QTMAN: variants seen among roughly 807,000 people sequenced by gnomAD.
The protein encoded by QTMAN is queuosine-tRNA mannosyltransferase, also known as tRNA-queuosine alpha-mannosyltransferase.
the QTMAN span, among the ~76,000 whole-genome samples, chr2:144,149,714 G>A: frequency 6.6e-6 from 1 of 151,956 alleles, no homozygotes; most frequent in Non-Finnish European, 1.5e-5. Flanking sequence ...CGTTTCGATT[G>A]TTTCCAATAC....
chr2:144,143,022 T>G, the QTMAN span, among the ~76,000 whole-genome samples: 2 of 152,004 alleles, frequency 1.3e-5, no homozygotes, highest in Non-Finnish European at 2.9e-5. Flanking sequence ...CAAATCTCAG[T>G]CAGCCACATG....
the QTMAN span, among the ~76,000 whole-genome samples, chr2:144,151,903 G>A: frequency 6.6e-6 from 1 of 152,152 alleles, no homozygotes; most frequent in Non-Finnish European, 1.5e-5. Context: ...ATGTTTAAAT[G>A]CTATGGATAT....
chr2:144,251,094 A>C, the QTMAN span, among the ~76,000 whole-genome samples: 1 of 152,234 alleles, frequency 6.6e-6, no homozygotes, highest in South Asian at 2.1e-4. Context: ...AGTTCTTTTA[A>C]AGTGGAAATA....
chr2:143,991,975 C>A, the QTMAN span, among the ~76,000 whole-genome samples: 1,225 of 152,212 alleles, frequency 8.0e-3, 12 homozygotes, highest in African/African-American at 0.028. Flanking sequence ...TCTGCCCGGC[C>A]GCCCCTACTG....
the QTMAN span, among the ~76,000 whole-genome samples, chr2:144,229,312 G>C: frequency 6.6e-6 from 1 of 152,100 alleles, no homozygotes; most frequent in Non-Finnish European, 1.5e-5. Flanking sequence ...ACATATACTT[G>C]TTCTGCCTTT....
At chr2:144,101,394 T>TCTCTCTCACACACACACA in the QTMAN span, among the ~76,000 whole-genome samples, 271 of 150,234 alleles carry the variant, frequency 1.8e-3, 2 homozygotes, top group African/African-American at 6.2e-3. Flanking sequence ...TATCTCTCTC[T>TCTCTCTCACACACACACA]CACACACACA....
the QTMAN span, chr2:144,007,153 T>G: frequency 7.7e-7 from 1 of 1,298,104 alleles, no homozygotes; most frequent in African/African-American, 1.5e-5. Context: ...GTTCTACAAC[T>G]CTTACTAAAT....
At chr2:144,307,247 A>G in the QTMAN span, among the ~76,000 whole-genome samples, 19 of 149,396 alleles carry the variant, frequency 1.3e-4, no homozygotes, top group Non-Finnish European at 2.8e-4. Flanking sequence ...AAAAAATATG[A>G]AAACATTCAA....
chr2:144,038,444 A>G, the QTMAN span, among the ~76,000 whole-genome samples: 1 of 152,200 alleles, frequency 6.6e-6, no homozygotes, highest in South Asian at 2.1e-4. Flanking sequence ...CAATGATACA[A>G]TTCTATCCCT....
the QTMAN span, among the ~76,000 whole-genome samples, chr2:144,060,886 T>C: frequency 6.6e-6 from 1 of 152,198 alleles, no homozygotes; most frequent in Non-Finnish European, 1.5e-5. Context: ...TACTTCTTTC[T>C]AAAAGTATGA....
chr2:144,002,847 TTAAACATTCAACTTTTCCAGC>T, the QTMAN span, among the ~76,000 whole-genome samples: 1 of 151,934 alleles, frequency 6.6e-6, no homozygotes, highest in Non-Finnish European at 1.5e-5. Flanking sequence ...GAAGAAATCA[TTAAACATTCAACTTTTCCAGC>T]TATATTTCTT....
At chr2:144,036,421 G>T in the QTMAN span, among the ~76,000 whole-genome samples, 1 of 152,092 alleles carries the variant, frequency 6.6e-6, no homozygotes, top group Non-Finnish European at 1.5e-5. Context: ...GAAGCTTTTG[G>T]AGAGAACTAA....
chr2:144,246,964 C>A, the QTMAN span, among the ~76,000 whole-genome samples: 1 of 152,166 alleles, frequency 6.6e-6, no homozygotes. Context: ...TTACTTCCAA[C>A]TTAGAATTTA....
At chr2:144,002,138 C>T in the QTMAN span, among the ~76,000 whole-genome samples, 1 of 151,952 alleles carries the variant, frequency 6.6e-6, no homozygotes, top group African/African-American at 2.4e-5. Context: ...ATGGCACAAA[C>T]AAGTCTGTTT....
the QTMAN span, among the ~76,000 whole-genome samples, chr2:144,180,754 G>A: frequency 2.6e-5 from 4 of 152,106 alleles, no homozygotes; most frequent in South Asian, 4.1e-4. Context: ...CTTTTAGTCC[G>A]TATATTGGTT....
the QTMAN span, among the ~76,000 whole-genome samples, chr2:144,231,605 A>G: frequency 1.3e-5 from 2 of 152,248 alleles, no homozygotes; most frequent in Admixed American, 1.3e-4. Flanking sequence ...GTATTTACCA[A>G]AAAACTGCTT....
the QTMAN span, among the ~76,000 whole-genome samples, chr2:144,061,777 G>T: frequency 1.3e-5 from 2 of 152,172 alleles, no homozygotes; most frequent in Non-Finnish European, 2.9e-5. Context: ...CCCCCATCCT[G>T]TGCCCATATA....
the QTMAN span, among the ~76,000 whole-genome samples, chr2:144,179,719 T>C: frequency 1.3e-5 from 2 of 152,146 alleles, no homozygotes; most frequent in Non-Finnish European, 2.9e-5. Flanking sequence ...TCAAGAAGTA[T>C]AGTTAGGTCA....
chr2:144,256,598 G>T, the QTMAN span, among the ~76,000 whole-genome samples: 2 of 152,052 alleles, frequency 1.3e-5, no homozygotes, highest in Non-Finnish European at 1.5e-5. Context: ...ACTAACACAG[G>T]AATAGAAAAC....
Sources: gnomAD v4.1 joint callset for allele counts (sites outside exome capture counted in the v4.1 genomes callset) on GRCh38, gnomAD v4.1.1 for gene constraint, MANE v1.5 for transcripts, NCBI Gene and HGNC (gene_info 2026-07-23, HGNC 2026-07-21) for gene names.